AGBL1: variants seen among roughly 807,000 people sequenced by gnomAD.
AGBL1 encodes cytosolic carboxypeptidase 4.
Under a neutral mutation model 118.9 loss-of-function variants are expected in AGBL1, and 130 were observed. The ratio of observed to expected loss-of-function variants is 1.09; its 90% CI spans 0.95 to 1.26. The LOEUF is 1.26. Among genes scored for constraint, AGBL1 ranks in the 50% most tolerant of loss-of-function variants. The pLI, the probability that AGBL1 is intolerant of heterozygous loss-of-function variation, is 0.00. For synonymous variants in AGBL1, 555 were observed against 478.9 expected (o/e 1.16, Z -2.08); for missense variants, 1,584 against 1,298.1 (o/e 1.22, Z -3.38).
chr15:86,400,088 C>T (rs930606482), intron 18 of AGBL1, among the ~76,000 whole-genome samples: 1 of 152,098 alleles, frequency 6.6e-6, no homozygotes, highest in Non-Finnish European at 1.5e-5. Context: ...CTGACCCTTC[C>T]TTAGAACATA....
chr15:86,605,754 AGT>A (rs149123980), intron 21 of AGBL1, among the ~76,000 whole-genome samples: 1 of 150,828 alleles, frequency 6.6e-6, no homozygotes, highest in Non-Finnish European at 1.5e-5. Flanking sequence ...GCTGTATGTG[AGT>A]GTGTGTGTGT....
At chr15:86,716,028 T>G (rs2086632956) in intron 22 of AGBL1, among the ~76,000 whole-genome samples, 1 of 145,390 alleles carries the variant, frequency 6.9e-6, no homozygotes, top group Non-Finnish European at 1.5e-5. Flanking sequence ...ATGGTACCAC[T>G]GCACTCCAGC....
chr15:86,896,316 T>G (rs2141569702), intron 22 of AGBL1, among the ~76,000 whole-genome samples: 1 of 152,210 alleles, frequency 6.6e-6, no homozygotes, highest in Non-Finnish European at 1.5e-5. Flanking sequence ...CTCATTTGAC[T>G]TATGATTTGT....
At chr15:86,356,664 A>G (rs2080725971) in intron 17 of AGBL1, among the ~76,000 whole-genome samples, 1 of 152,086 alleles carries the variant, frequency 6.6e-6, no homozygotes, top group South Asian at 2.1e-4. Flanking sequence ...ATTGTACTGG[A>G]AGGAAGTAAG....
At chr15:86,181,083 C>T (rs940198990) in intron 5 of AGBL1, among the ~76,000 whole-genome samples, 1 of 152,086 alleles carries the variant, frequency 6.6e-6, no homozygotes, top group Admixed American at 6.5e-5. Context: ...AATGGTGCAA[C>T]CACTTTGGAA....
At chr15:86,940,909 C>G (rs554529156) in intron 23 of AGBL1, among the ~76,000 whole-genome samples, 9 of 152,328 alleles carry the variant, frequency 5.9e-5, no homozygotes, top group Admixed American at 5.2e-4. Context: ...TTCAGCCCTG[C>G]TCTGCCTATA....
chr15:86,687,986 T>A (rs1241156964), intron 22 of AGBL1, among the ~76,000 whole-genome samples: 2 of 152,150 alleles, frequency 1.3e-5, no homozygotes, highest in Non-Finnish European at 2.9e-5. Context: ...ACAGAGATTT[T>A]GTCTTCCCCA....
chr15:86,580,837 A>G (rs1227806700), intron 21 of AGBL1, among the ~76,000 whole-genome samples: 1 of 152,156 alleles, frequency 6.6e-6, no homozygotes. Flanking sequence ...GGAACCACTT[A>G]TTTTTAATTA....
intron 22 of AGBL1, among the ~76,000 whole-genome samples, chr15:86,738,292 T>C (rs1233088617): frequency 6.6e-6 from 1 of 152,070 alleles, no homozygotes; most frequent in Non-Finnish European, 1.5e-5. Flanking sequence ...GAGAAAAAAT[T>C]GAAAGCACTT....
intron 1 of AGBL1, among the ~76,000 whole-genome samples, chr15:86,088,994 A>G (rs1259827523): frequency 6.6e-6 from 1 of 152,200 alleles, no homozygotes; most frequent in Non-Finnish European, 1.5e-5. Context: ...GGTGCTCAAT[A>G]AATGTTTGTT....
At chr15:86,136,940 A>ATT (rs1313067833) in intron 1 of AGBL1, among the ~76,000 whole-genome samples, 8 of 152,086 alleles carry the variant, frequency 5.3e-5, no homozygotes, top group African/African-American at 1.7e-4. Flanking sequence ...TGGTAGATAC[A>ATT]TTTTTTTATA....
In AGBL1 at chr15:86,137,635, A is replaced by C. The variant is rs142667089; in HGVS notation, c.52-4369A>C. 3.0e-3 allele frequency among the ~76,000 whole-genome samples: 461 copies of C among 152,160 alleles called. 3 individuals are homozygous for C. The highest frequency in any genetic ancestry group is 5.0e-3 in the Non-Finnish European group (343 of 68,000). On this transcript the variant is annotated intron_variant, in intron 1 of 22. Transcript: ENST00000614907. The stretch of plus-strand genomic sequence containing the variant: ...TAACTTCTGGAGAAAAATTTTTTCC[A>C]AAATCTTGCAGGTATCCTCTCAGGT...
At chr15:86,516,144 G>C (rs965482782) in intron 18 of AGBL1, among the ~76,000 whole-genome samples, 2 of 152,200 alleles carry the variant, frequency 1.3e-5, no homozygotes, top group Non-Finnish European at 2.9e-5. Context: ...GTCTGGCTTA[G>C]TGAAACAACA....
intron 22 of AGBL1, among the ~76,000 whole-genome samples, chr15:86,788,102 C>T (rs1239649226): frequency 3.3e-5 from 5 of 151,958 alleles, no homozygotes; most frequent in African/African-American, 9.7e-5. Flanking sequence ...TTGCTAAGGC[C>T]GGAGGGAAAA....
At chr15:86,129,496 C>T (rs185807565) in intron 1 of AGBL1, among the ~76,000 whole-genome samples, 3 of 152,022 alleles carry the variant, frequency 2.0e-5, no homozygotes, top group Admixed American at 2.0e-4. Context: ...TTTCATTATC[C>T]CCATTAGGTT....
At chr15:86,343,216 T>C (rs1036863983) in intron 17 of AGBL1, among the ~76,000 whole-genome samples, 1 of 152,190 alleles carries the variant, frequency 6.6e-6, no homozygotes, top group African/African-American at 2.4e-5. Context: ...ATGGCTTTGA[T>C]TGGGTTTGGC....
At chr15:86,328,408 AT>A (rs1432774441) in intron 17 of AGBL1, among the ~76,000 whole-genome samples, 1 of 152,216 alleles carries the variant, frequency 6.6e-6, no homozygotes, top group Non-Finnish European at 1.5e-5. Flanking sequence ...GCAACTTTTT[AT>A]TTCAAATAAA....
intron 5 of AGBL1, among the ~76,000 whole-genome samples, chr15:86,177,977 A>G (rs772980694): frequency 7.2e-5 from 11 of 152,200 alleles, no homozygotes; most frequent in Non-Finnish European, 1.3e-4. Context: ...ACAATAAGCA[A>G]TTCAATCAAA....
Position 86,806,243 on chromosome 15 carries a change from C to G in AGBL1, c.3159-100844C>G, listed in dbSNP as rs558965645. Among the ~76,000 whole-genome samples, 34 of 152,120 alleles carry G rather than the reference C, an allele frequency of 2.2e-4. No homozygotes were observed. The South Asian group carries it at 6.2e-3, about 28-fold the overall frequency. Reference sequence around the variant, plus strand: ...TAGACATACTATAGATCAATGGGGTCAAGATGGAAACTGGAATGATCTCCA... The same window carrying G: ...TAGACATACTATAGATCAATGGGGTGAAGATGGAAACTGGAATGATCTCCA... On this transcript the variant is annotated intron_variant, in intron 22 of 22. Transcript: ENST00000614907.
Sources: gnomAD v4.1 joint callset for allele counts (sites outside exome capture counted in the v4.1 genomes callset) on GRCh38, gnomAD v4.1.1 for gene constraint, MANE v1.5 for transcripts, NCBI Gene and HGNC (gene_info 2026-07-23, HGNC 2026-07-21) for gene names.